UNC80: variants seen among roughly 807,000 people sequenced by gnomAD.
The protein encoded by UNC80 is protein unc-80 homolog.
Under a neutral mutation model 384.6 loss-of-function variants are expected in UNC80, and 164 were observed. The ratio of observed to expected loss-of-function variants is 0.43; its 90% CI spans 0.38 to 0.49. UNC80 has a LOEUF of 0.49. Ranked by LOEUF, UNC80 falls within the 20% of genes least tolerant of loss-of-function variation. UNC80 has a pLI of 0.00. For missense variants in UNC80, 3,330 were observed against 4,143.0 expected (o/e 0.80, Z 5.39); for synonymous variants, 1,486 against 1,527.8 (o/e 0.97, Z 0.64).
At chr2:209,799,779 A>G (rs2078421271) in intron 7 of UNC80, among the ~76,000 whole-genome samples, 1 of 152,210 alleles carries the variant, frequency 6.6e-6, no homozygotes, top group Admixed American at 6.5e-5. Context: ...TTTAACATGA[A>G]GGGATGTTGG....
chr2:209,976,028 T>G lies in UNC80; in HGVS notation c.8588-91T>G. The stretch of plus-strand genomic sequence containing the variant: ...GAGAGAGCTTAGAAATTTAGAAAAT[T>G]TCTAAAGGTGCATAAAGGGCTCTGG... On this transcript the variant is annotated intron_variant, in intron 56 of 64. Coordinates refer to ENST00000673920, the MANE Select transcript of UNC80 (RefSeq NM_001371986.1). The surrounding 1 kb of genome is among the most constrained non-coding windows in gnomAD (Gnocchi z 4.3). The G allele has an allele frequency of 7.3e-7, 1 of 1,361,718 alleles. No individual in the cohort carries two copies. The highest frequency in any genetic ancestry group is 1.5e-5 in the African/African-American group (1 of 67,972). The allele number at this position is 1,361,718 out of a possible 1,614,324, so 84.4% of individuals were successfully genotyped here. A position where few individuals can be genotyped will look rare whatever the true frequency, so the allele number is the denominator to read the frequency against.
chr2:209,805,766 TAATCTTTTACA>T (rs1478133031), intron 7 of UNC80, among the ~76,000 whole-genome samples: 2 of 152,234 alleles, frequency 1.3e-5, no homozygotes, highest in African/African-American at 4.8e-5. Flanking sequence ...TTTTATAACC[TAATCTTTTACA>T]ACCTAATCTC....
At chr2:209,890,624 T>A (rs1291239306) in intron 26 of UNC80, among the ~76,000 whole-genome samples, 1 of 152,228 alleles carries the variant, frequency 6.6e-6, no homozygotes, top group Non-Finnish European at 1.5e-5. Context: ...ATGGGTGATA[T>A]ATAGTAACTC....
intron 21 of UNC80, among the ~76,000 whole-genome samples, chr2:209,848,063 G>A (rs757179896): frequency 1.1e-4 from 16 of 152,072 alleles, no homozygotes; most frequent in South Asian, 2.1e-4. Flanking sequence ...GATTAATAAA[G>A]TGACATATAG....
chr2:209,922,109 T>A (rs1281960421), intron 34 of UNC80, 143 bp from the exon 35 acceptor site: 3 of 1,073,244 alleles, frequency 2.8e-6, no homozygotes, highest in East Asian at 2.7e-5. Context: ...TTTTAATTTT[T>A]ATTTTTCCTT....
intron 7 of UNC80, among the ~76,000 whole-genome samples, chr2:209,798,134 T>C (rs969789726): frequency 6.6e-5 from 10 of 152,230 alleles, no homozygotes; most frequent in African/African-American, 2.4e-4. Flanking sequence ...GATGATAGTT[T>C]ATTTTGCTAT....
At chr2:209,873,355 C>T (rs2084476140) in intron 23 of UNC80, among the ~76,000 whole-genome samples, 1 of 152,116 alleles carries the variant, frequency 6.6e-6, no homozygotes, top group African/African-American at 2.4e-5. Context: ...GTAAAATACA[C>T]CCTTATTTCA....
intron 52 of UNC80, 41 bp downstream of exon 52, chr2:209,967,678 C>T: frequency 1.3e-6 from 2 of 1,534,102 alleles, no homozygotes; most frequent in Non-Finnish European, 1.8e-6. Context: ...TCACAAATGT[C>T]AAAGTTAAGA....
intron 23 of UNC80, among the ~76,000 whole-genome samples, chr2:209,874,592 GCA>G (rs2084613009): frequency 6.6e-6 from 1 of 152,146 alleles, no homozygotes; most frequent in East Asian, 1.9e-4. Flanking sequence ...GAGTTTCCTT[GCA>G]CCTCTGTGCC....
At chr2:209,813,923 T>C in intron 8 of UNC80, 82 bp downstream of exon 8, 4 of 1,478,524 alleles carry the variant, frequency 2.7e-6, no homozygotes, top group Non-Finnish European at 3.6e-6. Flanking sequence ...ATCCAGCTCT[T>C]AGGTACTCTA....
Position 209,997,320 on chromosome 2 carries a change from T to G in UNC80, c.*1725T>G, listed in dbSNP as rs1364285963. ...AGTTAATGCTGAAATAATTCTCAAG[T>G]GCAGGAATATAAATGTTAAGTGGTT... is the stretch of plus-strand genomic sequence containing the variant. On this transcript the variant is annotated 3_prime_UTR_variant, in exon 65 of 65. Coordinates refer to ENST00000673920, the MANE Select transcript of UNC80 (RefSeq NM_001371986.1). 5 of 152,334 alleles carry G rather than the reference T, an allele frequency of 3.3e-5. No homozygotes were observed. Among genetic ancestry groups the G allele is most frequent in the Non-Finnish European group, 5.9e-5 (4 of 68,016 alleles). 9.4% of individuals were successfully genotyped at this position (152,334 alleles called of 1,614,324 possible). A position where few individuals can be genotyped will look rare whatever the true frequency, so the allele number is the denominator to read the frequency against.
chr2:209,780,408 A>G (rs1171944067), intron 4 of UNC80, among the ~76,000 whole-genome samples: 2 of 152,166 alleles, frequency 1.3e-5, no homozygotes, highest in Non-Finnish European at 2.9e-5. Flanking sequence ...AGCTGTAGAG[A>G]ATAAAAAGCA....
intron 37 of UNC80, among the ~76,000 whole-genome samples, chr2:209,930,384 T>C (rs2090759820): frequency 1.3e-5 from 2 of 152,264 alleles, no homozygotes; most frequent in South Asian, 4.1e-4. Flanking sequence ...AAAAGTAGTC[T>C]TTCAAGCAGT....
At chr2:209,834,832 T>C in intron 17 of UNC80, 80 bp from the exon 18 acceptor site, 1 of 1,198,634 alleles carries the variant, frequency 8.3e-7, no homozygotes, top group Non-Finnish European at 1.2e-6. Flanking sequence ...CAACAGAGTG[T>C]TTTGTTTTAT....
At chr2:209,937,146 T>C (rs538601977) in intron 41 of UNC80, among the ~76,000 whole-genome samples, 1 of 152,338 alleles carries the variant, frequency 6.6e-6, no homozygotes, top group African/African-American at 2.4e-5. Context: ...GTAATGATAA[T>C]GGTATCCATG....
chr2:209,977,945 A>G (rs1158934628), intron 58 of UNC80, among the ~76,000 whole-genome samples: 1 of 152,208 alleles, frequency 6.6e-6, no homozygotes, highest in African/African-American at 2.4e-5. Flanking sequence ...TTTGCAGACA[A>G]TGTGGTAAAA....
chr2:209,870,675 A>T (rs2084217471), intron 22 of UNC80, among the ~76,000 whole-genome samples: 1 of 152,144 alleles, frequency 6.6e-6, no homozygotes, highest in African/African-American at 2.4e-5. Context: ...GTACCTACAT[A>T]AATATATTTT....
chr2:209,929,292 G>A lies in UNC80; in HGVS notation c.5807-579G>A, dbSNP rs112722842. On this transcript the variant is annotated intron_variant, in intron 36 of 64. Coordinates refer to ENST00000673920, the MANE Select transcript of UNC80 (RefSeq NM_001371986.1). ...ACTTCTAGACAATCTTAGCCTGACC[G>A]CTTTCCCCACAGAAATAGCACTTTC... Among the ~76,000 whole-genome samples, 606 of 152,160 alleles carry A rather than the reference G, an allele frequency of 4.0e-3. 3 individuals are homozygous for A. Among genetic ancestry groups the A allele is most frequent in the African/African-American group, 0.014 (577 of 41,498 alleles).
chr2:209,926,225 G>A (rs2090425451), intron 35 of UNC80, among the ~76,000 whole-genome samples: 1 of 152,102 alleles, frequency 6.6e-6, no homozygotes, highest in Non-Finnish European at 1.5e-5. Flanking sequence ...TATGAAAAAT[G>A]TCTTAGTCTC....
Sources: allele counts gnomAD v4.1 joint callset (sites outside exome capture counted in the v4.1 genomes callset), GRCh38; gene constraint gnomAD v4.1.1; non-coding constraint Gnocchi (gnomAD v3.1); transcripts MANE v1.5; gene names NCBI Gene and HGNC (gene_info 2026-07-23, HGNC 2026-07-21).